Variants in PMF1 observed in about 807,000 individuals in gnomAD.
PMF1 encodes polyamine-modulated factor 1.
PMF1 carries 21 observed loss-of-function variants against 26.7 expected under a neutral mutation model. That is an observed-to-expected ratio of 0.79 (90% CI 0.56 to 1.13). PMF1 has a LOEUF of 1.13. PMF1 is among the 50% of genes most tolerant of loss of function. The pLI, the probability that PMF1 is intolerant of heterozygous loss-of-function variation, is 0.00. For synonymous variants in PMF1, 105 were observed against 101.0 expected (o/e 1.04, Z -0.24); for missense variants, 266 against 254.9 (o/e 1.04, Z -0.30).
rs1321891221 is a variant in PMF1 at position 156,228,271 on chromosome 1, T to TA, written c.162-4049_162-4048insA. ...GCACCTGGCGATTTTTTTTTTTTTT[T>TA]TTTTTTTTTTTTTTTTTAGTGTATC... On this transcript the variant is annotated intron_variant, in intron 1 of 4. Coordinates refer to ENST00000368277, the MANE Select transcript of PMF1 (RefSeq NM_007221.4). 5.5e-3 allele frequency among the ~76,000 whole-genome samples: 782 copies of TA among 142,850 alleles called. 13 individuals are homozygous for TA. The highest frequency in any genetic ancestry group is 0.02 in the African/African-American group (753 of 38,280). 93.7% of individuals were successfully genotyped at this position (142,850 alleles called of 152,430 possible). A position where few individuals can be genotyped will look rare whatever the true frequency, so the allele number is the denominator to read the frequency against.
chr1:156,214,917 G>C (rs1211304952), intron 1 of PMF1, among the ~76,000 whole-genome samples: 1 of 149,862 alleles, frequency 6.7e-6, no homozygotes, highest in Non-Finnish European at 1.5e-5. Context: ...TAGCTCTGTT[G>C]CCCAGGCTGG....
At chr1:156,213,338 G>A (rs1657492853) in intron 1 of PMF1, among the ~76,000 whole-genome samples, 162 bp downstream of exon 1, 1 of 152,176 alleles carries the variant, frequency 6.6e-6, no homozygotes, top group East Asian at 1.9e-4. Flanking sequence ...TAGGAGTCAG[G>A]GTATTCACGC....
At chr1:156,214,467 A>C (rs1436252406) in intron 1 of PMF1, among the ~76,000 whole-genome samples, 1 of 152,174 alleles carries the variant, frequency 6.6e-6, no homozygotes, top group Admixed American at 6.5e-5. Context: ...TGACTCATCA[A>C]ATATTTGAGT....
chr1:156,226,137 G>C (rs1658360587), intron 1 of PMF1, among the ~76,000 whole-genome samples: 1 of 152,160 alleles, frequency 6.6e-6, no homozygotes, highest in African/African-American at 2.4e-5. Context: ...TTACAGGTAT[G>C]AGCCACTGTG....
In PMF1 at chr1:156,236,403, C is replaced by T. The variant is rs1278051973; in HGVS notation, c.484C>T (p.Leu162=). ...VQKQEAENQQ[L]ADAVLAGRRQ... ...GAAACAGGAGGCCGAGAACCAGCAG[C>T]TGGCAGATGCCGTCCTGGCAGGGCG... is the stretch of plus-strand genomic sequence containing the variant. Residue 162 remains leucine, a synonymous_variant, in exon 4 of 5, where the codon CTG becomes TTG. Coordinates refer to ENST00000368277, the MANE Select transcript of PMF1 (RefSeq NM_007221.4). 1.2e-6 allele frequency: 2 copies of T among 1,614,230 alleles called. No homozygotes were observed. Among genetic ancestry groups the T allele is most frequent in the South Asian group, 2.2e-5 (2 of 91,092 alleles).
At chr1:156,213,232 G>T in intron 1 of PMF1, 56 bp downstream of exon 1, 1 of 1,594,346 alleles carries the variant, frequency 6.3e-7, no homozygotes, top group Non-Finnish European at 8.6e-7. Context: ...CTCAAATCCC[G>T]CGAGGTCAGG....
intron 3 of PMF1, 43 bp from the exon 4 acceptor site, chr1:156,236,245 C>G: frequency 6.4e-7 from 1 of 1,572,042 alleles, no homozygotes; most frequent in Non-Finnish European, 8.7e-7. Flanking sequence ...TCCACAAGGG[C>G]CTTCCGCCTC....
intron 1 of PMF1, among the ~76,000 whole-genome samples, chr1:156,215,354 G>A (rs1308247611): frequency 6.6e-6 from 1 of 152,042 alleles, no homozygotes; most frequent in Non-Finnish European, 1.5e-5. Context: ...ATCATGCAGG[G>A]CCTAGTTTGC....
intron 1 of PMF1, among the ~76,000 whole-genome samples, chr1:156,227,499 A>AT (rs200827793): frequency 1.6e-4 from 15 of 92,772 alleles, no homozygotes; most frequent in Non-Finnish European, 3.6e-4. Context: ...ATTTTATTTT[A>AT]TTTTATTTTT....
intron 1 of PMF1, among the ~76,000 whole-genome samples, chr1:156,227,736 G>A (rs1160498796): frequency 6.6e-6 from 1 of 151,656 alleles, no homozygotes; most frequent in East Asian, 2.0e-4. Context: ...GACTTCAAGT[G>A]ATCCCCCTGC....
At chr1:156,231,793 T>C (rs1658724782) in intron 1 of PMF1, among the ~76,000 whole-genome samples, 1 of 152,176 alleles carries the variant, frequency 6.6e-6, no homozygotes, top group Non-Finnish European at 1.5e-5. Flanking sequence ...GGCTGCAGGT[T>C]GGTGTAAACT....
Position 156,229,343 on chromosome 1 carries a change from AAG to A in PMF1, c.162-2972_162-2971del, listed in dbSNP as rs574997279. Reference sequence around the variant, plus strand: ...AGTTGCTTACAACCAGCTCTCTGAAAAGAGAGCCCCGGTTTGCAGTGTTTGCC... The same window carrying A: ...AGTTGCTTACAACCAGCTCTCTGAAAAGAGCCCCGGTTTGCAGTGTTTGCC... On this transcript the variant is annotated intron_variant, in intron 1 of 4. Coordinates refer to ENST00000368277, the MANE Select transcript of PMF1 (RefSeq NM_007221.4). 7.6e-4 allele frequency among the ~76,000 whole-genome samples: 115 copies of A among 152,032 alleles called. 3 individuals carry two copies. The South Asian group carries it at 0.024, about 31-fold the overall frequency.
At chr1:156,231,704 A>G (rs1166897271) in intron 1 of PMF1, among the ~76,000 whole-genome samples, 1 of 152,028 alleles carries the variant, frequency 6.6e-6, no homozygotes, top group Admixed American at 6.6e-5. Flanking sequence ...TGCCTCAAGA[A>G]AAAAAAAGGA....
At chr1:156,224,190 T>G (rs532750327) in intron 1 of PMF1, among the ~76,000 whole-genome samples, 1 of 152,324 alleles carries the variant, frequency 6.6e-6, no homozygotes, top group South Asian at 2.1e-4. Context: ...ATTGACACAT[T>G]GTAATTGTAC....
chr1:156,224,776 A>C (rs1030326676), intron 1 of PMF1, among the ~76,000 whole-genome samples: 1 of 152,004 alleles, frequency 6.6e-6, no homozygotes, highest in African/African-American at 2.4e-5. Flanking sequence ...AAAAAAAAAG[A>C]AAATAAAAAA....
intron 4 of PMF1, chr1:156,236,768 A>G: frequency 2.2e-6 from 1 of 455,338 alleles, no homozygotes. Flanking sequence ...CACCCAAGGT[A>G]ACAGCGCCTC....
chr1:156,237,220 CTCT>C (rs1005623696), intron 4 of PMF1: 1 of 152,158 alleles, frequency 6.6e-6, no homozygotes, highest in African/African-American at 2.4e-5. Context: ...CTGCACAAGG[CTCT>C]TCTTAGCCAC....
chr1:156,230,333 G>A (rs1479156258), intron 1 of PMF1, among the ~76,000 whole-genome samples: 1 of 152,234 alleles, frequency 6.6e-6, no homozygotes, highest in Non-Finnish European at 1.5e-5. Context: ...ATTTAAAGAA[G>A]ATCGTTGATA....
chr1:156,230,475 C>T (rs777308223), intron 1 of PMF1, among the ~76,000 whole-genome samples: 25 of 152,196 alleles, frequency 1.6e-4, no homozygotes, highest in Non-Finnish European at 2.9e-4. Context: ...AGGGCCGTGT[C>T]AGTCTTATCC....
Sources: allele counts gnomAD v4.1 joint callset (sites outside exome capture counted in the v4.1 genomes callset), GRCh38; gene constraint gnomAD v4.1.1; transcripts MANE v1.5; gene names NCBI Gene and HGNC (gene_info 2026-07-23, HGNC 2026-07-21).